Variants in TRPM3 observed in about 807,000 individuals in gnomAD.
TRPM3 encodes the protein long transient receptor potential channel 3.
A neutral mutation model predicts 181.2 loss-of-function variants in TRPM3; 77 were observed. That is an observed-to-expected ratio of 0.42 (90% confidence interval 0.35 to 0.51). The LOEUF is 0.51. Among genes scored for constraint, TRPM3 ranks in the 20% least tolerant of loss-of-function variants. The pLI is 0.01. For missense variants in TRPM3, 1,759 were observed against 2,196.7 expected, an observed-to-expected ratio of 0.80 and a Z score of 3.98; for synonymous variants, 745 against 796.4, an observed-to-expected ratio of 0.94 and a Z score of 1.09.
intron 1 of TRPM3, among the ~76,000 whole-genome samples, chr9:71,433,685 A>G (rs2093990557): frequency 6.6e-6 from 1 of 152,224 alleles, no homozygotes; most frequent in South Asian, 2.1e-4. Flanking sequence ...TGAGTGTTGT[A>G]GACACATAAC....
In TRPM3 at chr9:71,433,716, T is replaced by C. The variant is rs560732931; in HGVS notation, c.183+12937A>G. Among the ~76,000 whole-genome samples, 9 of 152,358 alleles carry C rather than the reference T, an allele frequency of 5.9e-5. No individual in the cohort carries two copies. In the South Asian group the frequency reaches 1.0e-3, roughly 18 times the overall value. ...ATAACCCAAGATTACCTGCTACACA[T>C]GCTATAGGCAAATTGGCTTTATATC... On this transcript the variant is annotated intron_variant, in intron 1 of 24. Transcript: ENST00000357533.
At chr9:70,651,259 T>C (rs150649761) in intron 9 of TRPM3, among the ~76,000 whole-genome samples, 1 of 152,366 alleles carries the variant, frequency 6.6e-6, no homozygotes, top group East Asian at 1.9e-4. Context: ...AAGAGTATTA[T>C]TCTTCTGTTA....
At chr9:71,162,849 C>T (rs1276539894) in intron 1 of TRPM3, among the ~76,000 whole-genome samples, 1 of 152,028 alleles carries the variant, frequency 6.6e-6, no homozygotes, top group Non-Finnish European at 1.5e-5. Flanking sequence ...AGAGATGTGC[C>T]TGTACAAGAT....
In TRPM3 at chr9:71,156,171, A is replaced by G. The variant is rs182015181; in HGVS notation, c.183+290482T>C. ...AATAGGTAGACTTAGTTCAGGTACA[A>G]TGGAGTTTAAGAAAGGCCATTGAGT... On this transcript the variant is annotated intron_variant, in intron 1 of 24. Transcript: ENST00000357533. 1.1e-3 allele frequency among the ~76,000 whole-genome samples: 165 copies of G among 152,138 alleles called. 1 individual carries two copies. Among genetic ancestry groups the G allele is most frequent in the Admixed American group, 3.5e-3 (54 of 15,248 alleles).
At chr9:70,837,779 T>C (rs1336188617) in intron 5 of TRPM3, among the ~76,000 whole-genome samples, 1 of 152,190 alleles carries the variant, frequency 6.6e-6, no homozygotes, top group African/African-American at 2.4e-5. Context: ...GCTCCGGTCA[T>C]GCATCGAGTC....
chr9:70,999,758 T>C (rs763325048), intron 1 of TRPM3, among the ~76,000 whole-genome samples: 56 of 152,214 alleles, frequency 3.7e-4, no homozygotes, highest in Non-Finnish European at 7.2e-4. Context: ...CACCTTTCAA[T>C]GTCACGCCAG....
At chr9:71,330,392 T>C (rs2090025816) in intron 1 of TRPM3, among the ~76,000 whole-genome samples, 1 of 151,878 alleles carries the variant, frequency 6.6e-6, no homozygotes, top group Admixed American at 6.6e-5. Flanking sequence ...CACACATAAA[T>C]GGCACTGTTA....
chr9:70,563,181 C>T (rs144496460), intron 22 of TRPM3, among the ~76,000 whole-genome samples: 102 of 152,308 alleles, frequency 6.7e-4, no homozygotes, highest in African/African-American at 2.4e-3. Context: ...CACAGGGAAC[C>T]TTTGCTTCTA....
rs148883024 is a variant in TRPM3 at position 70,546,143 on chromosome 9, G to A, written c.3707+3399C>T. Among the ~76,000 whole-genome samples the A allele has an allele frequency of 2.6e-3, 399 of 152,288 alleles. 1 individual carries two copies. The highest frequency in any genetic ancestry group is 9.1e-3 in the African/African-American group (380 of 41,566). Reference sequence around the variant, plus strand: ...AACATTTTCCAAATGTAAGATGCCAGGATTTTATATGCTCCACAGTGAATA... The same window carrying A: ...AACATTTTCCAAATGTAAGATGCCAAGATTTTATATGCTCCACAGTGAATA... On this transcript the variant is annotated intron_variant, in intron 25 of 25. Coordinates refer to ENST00000677713, the MANE Select transcript of TRPM3 (RefSeq NM_001366145.2).
chr9:71,278,989 A>C (rs1388797985), intron 1 of TRPM3, among the ~76,000 whole-genome samples: 2 of 146,064 alleles, frequency 1.4e-5, no homozygotes, highest in East Asian at 4.0e-4. Context: ...CAGATTGGTA[A>C]GACTCATGTC....
intron 1 of TRPM3, among the ~76,000 whole-genome samples, chr9:71,426,042 G>T (rs946791662): frequency 2.6e-5 from 4 of 151,682 alleles, no homozygotes; most frequent in African/African-American, 9.7e-5. Flanking sequence ...TATACCCCTT[G>T]TGCCAGTTAT....
At chr9:71,356,653 T>TCTGGCC (rs1448730530) in intron 1 of TRPM3, among the ~76,000 whole-genome samples, 1 of 152,204 alleles carries the variant, frequency 6.6e-6, no homozygotes, top group Non-Finnish European at 1.5e-5. Context: ...GGGGTTGGTA[T>TCTGGCC]CTGGCCCATA....
At chr9:71,033,241 G>A (rs867027418) in intron 1 of TRPM3, among the ~76,000 whole-genome samples, 28 of 152,226 alleles carry the variant, frequency 1.8e-4, no homozygotes, top group Non-Finnish European at 2.9e-4. Flanking sequence ...AGACTAAAGC[G>A]TCCTAAGTAA....
intron 1 of TRPM3, among the ~76,000 whole-genome samples, chr9:71,160,771 A>G (rs1270695221): frequency 1.3e-5 from 2 of 152,276 alleles, no homozygotes; most frequent in East Asian, 3.9e-4. Context: ...CCAAGAAGCT[A>G]CAGTCTTTTA....
At chr9:70,800,930 G>T (rs1304075387) in intron 6 of TRPM3, among the ~76,000 whole-genome samples, 1 of 152,110 alleles carries the variant, frequency 6.6e-6, no homozygotes, top group Non-Finnish European at 1.5e-5. Context: ...GAGGCATAAA[G>T]GATAAATTGC....
Position 71,133,265 on chromosome 9 carries a change from G to A in TRPM3, c.184-268754C>T, listed in dbSNP as rs1333543586. Among the ~76,000 whole-genome samples, 5 of 138,798 alleles carry A rather than the reference G, an allele frequency of 3.6e-5. No individual in the cohort carries two copies. In the East Asian group the frequency reaches 1.1e-3, roughly 30 times the overall value. The allele number at this position is 138,798 out of a possible 152,430, so 91.1% of individuals were successfully genotyped here. A position where few individuals can be genotyped will look rare whatever the true frequency, so the allele number is the denominator to read the frequency against. On this transcript the variant is annotated intron_variant, in intron 1 of 24. Transcript: ENST00000357533. ...CTTATAAAGCTCCATTTTTCCTGTG[G>A]CCATTTGTAATTCTTCTAGCAAATT...
At chr9:71,422,083 T>C (rs550441675) in intron 1 of TRPM3, among the ~76,000 whole-genome samples, 1 of 152,138 alleles carries the variant, frequency 6.6e-6, no homozygotes, top group African/African-American at 2.4e-5. Flanking sequence ...ATATGAAATA[T>C]ACATGTTAAT....
intron 1 of TRPM3, among the ~76,000 whole-genome samples, chr9:70,879,960 T>C (rs2095954640): frequency 6.6e-6 from 1 of 152,094 alleles, no homozygotes; most frequent in Non-Finnish European, 1.5e-5. Flanking sequence ...GTAGACACAC[T>C]CCTAGTATTG....
intron 22 of TRPM3, among the ~76,000 whole-genome samples, chr9:70,580,402 G>T (rs2055319436): frequency 6.6e-6 from 1 of 152,124 alleles, no homozygotes; most frequent in Admixed American, 6.5e-5. Context: ...TGGAAAAGAT[G>T]AATACAGACC....
Sources: gnomAD v4.1 joint callset for allele counts (sites outside exome capture counted in the v4.1 genomes callset) on GRCh38, gnomAD v4.1.1 for gene constraint, MANE v1.5 for transcripts, NCBI Gene and HGNC (gene_info 2026-07-23, HGNC 2026-07-21) for gene names.